The following CECR2 variants were observed in gnomAD, a reference collection of about 807,000 sequenced individuals.
The protein encoded by CECR2 is CECR2 histone acetyl-lysine reader.
A neutral mutation model predicts 154.5 loss-of-function variants in CECR2; 30 were observed. The ratio of observed to expected loss-of-function variants is 0.19; its 90% confidence interval spans 0.15 to 0.26. The LOEUF is 0.26. CECR2 is among the 10% of genes least tolerant of loss of function. CECR2 has a pLI of 1.00. For missense variants in CECR2, 1,743 were observed against 1,829.3 expected (o/e 0.95, Z 0.86); for synonymous variants, 725 against 683.7 (o/e 1.06, Z -0.94).
intron 1 of CECR2, among the ~76,000 whole-genome samples, chr22:17,447,459 A>C (rs2054691460): frequency 6.6e-6 from 1 of 151,730 alleles, no homozygotes; most frequent in South Asian, 2.1e-4. Context: ...GGCTGTTTAC[A>C]ATCCTTTAGC....
chr22:17,367,051 C>A (rs539145501), upstream of CECR2, among the ~76,000 whole-genome samples: 1 of 152,212 alleles, frequency 6.6e-6, no homozygotes, highest in East Asian at 1.9e-4. Flanking sequence ...GAGGAGGAGC[C>A]CTGAGAGACA....
chr22:17,459,863 T>C (rs2054910412), intron 1 of CECR2, among the ~76,000 whole-genome samples: 1 of 152,220 alleles, frequency 6.6e-6, no homozygotes, highest in Non-Finnish European at 1.5e-5. Flanking sequence ...TTCAGAAGCC[T>C]CTTATCCTTT....
intron 1 of CECR2, among the ~76,000 whole-genome samples, chr22:17,404,470 T>G (rs1440351530): frequency 1.6e-5 from 2 of 127,416 alleles, no homozygotes; most frequent in Admixed American, 1.6e-4. Flanking sequence ...GCCTCTCGGG[T>G]TCACGCCATT....
At chr22:17,408,532 C>T (rs1163550032) in intron 1 of CECR2, among the ~76,000 whole-genome samples, 2 of 152,094 alleles carry the variant, frequency 1.3e-5, no homozygotes, top group African/African-American at 2.4e-5. Context: ...GTTGGACATC[C>T]GTAACAACAT....
At position 17,553,736 on chromosome 22, in the gene CECR2, A is replaced by T. The variant is rs2056743051; in HGVS notation, c.*896A>T. ...CCTGATTTTGCCACCAGCCCTACCG[A>T]ATAGTTGTAAACCAGTATCAGGAAT... On this transcript the variant is annotated 3_prime_UTR_variant, in exon 19 of 19. Transcript: ENST00000262608. The T allele has an allele frequency of 6.6e-6, 1 of 152,174 alleles. No individual in the cohort carries two copies. Among genetic ancestry groups the T allele is most frequent in the Non-Finnish European group, 1.5e-5 (1 of 68,038 alleles). 9.4% of individuals were successfully genotyped at this position (152,174 alleles called of 1,614,324 possible).
chr22:17,506,057 G>A (rs1384323169), intron 7 of CECR2, among the ~76,000 whole-genome samples: 1 of 151,622 alleles, frequency 6.6e-6, no homozygotes, highest in Non-Finnish European at 1.5e-5. Context: ...CTGCTGCCTA[G>A]GCTTGTCCCA....
In CECR2 at chr22:17,555,915, A is replaced by G. The variant is rs982727123; in HGVS notation, c.*3075A>G. 6.6e-6 allele frequency: 1 copy of G among 152,178 alleles called. No individual in the cohort carries two copies. The highest frequency in any genetic ancestry group is 2.4e-5 in the African/African-American group (1 of 41,460). The allele number at this position is 152,178 out of a possible 1,614,324, so 9.4% of individuals were successfully genotyped here. On this transcript the variant is annotated 3_prime_UTR_variant, in exon 19 of 19. Coordinates refer to ENST00000262608, the MANE Select transcript of CECR2 (RefSeq NM_001290047.2). ...CCTTTAGTAGAGTTGTTAATAAGTT[A>G]GAAACTTGTGTCCCTAAGGCCCAAG...
intron 9 of CECR2, among the ~76,000 whole-genome samples, chr22:17,526,934 A>G (rs1160088782): frequency 6.6e-6 from 1 of 152,152 alleles, no homozygotes. Flanking sequence ...GCAAAAATGG[A>G]CAAATGGGAT....
chr22:17,372,865 G>A (rs1287656199), intron 1 of CECR2, among the ~76,000 whole-genome samples: 1 of 151,988 alleles, frequency 6.6e-6, no homozygotes, highest in Non-Finnish European at 1.5e-5. Flanking sequence ...ATCTCACCAG[G>A]CTGAACTCAT....
At chr22:17,433,864 A>T (rs553353738) in intron 1 of CECR2, among the ~76,000 whole-genome samples, 5 of 152,188 alleles carry the variant, frequency 3.3e-5, no homozygotes, top group Admixed American at 6.5e-5. Context: ...CTTAGCTATT[A>T]TGATGGTTTT....
At chr22:17,405,241 C>T (rs983381811) in intron 1 of CECR2, among the ~76,000 whole-genome samples, 2 of 151,944 alleles carry the variant, frequency 1.3e-5, no homozygotes, top group South Asian at 2.1e-4. Context: ...GAAACCTTGT[C>T]TCTACTAAAA....
chr22:17,538,296 C>T (rs1222196983), intron 10 of CECR2, among the ~76,000 whole-genome samples: 1 of 152,164 alleles, frequency 6.6e-6, no homozygotes, highest in Non-Finnish European at 1.5e-5. Context: ...CAGGCCAACC[C>T]CACATTTTAT....
upstream of CECR2, among the ~76,000 whole-genome samples, chr22:17,364,762 G>A (rs1389408380): frequency 6.6e-6 from 1 of 152,202 alleles, no homozygotes; most frequent in African/African-American, 2.4e-5. Flanking sequence ...AGAAGGCAGA[G>A]GTTGCAGTGA....
chr22:17,514,971 C>T (rs1296482874), intron 8 of CECR2, among the ~76,000 whole-genome samples: 1 of 148,296 alleles, frequency 6.7e-6, no homozygotes, highest in East Asian at 2.0e-4. Context: ...TGCAGTGAGC[C>T]AAGATCGCAC....
chr22:17,487,011 C>T (rs2055433587), intron 2 of CECR2, among the ~76,000 whole-genome samples: 1 of 152,318 alleles, frequency 6.6e-6, no homozygotes, highest in East Asian at 1.9e-4. Context: ...TGGAAGGTCA[C>T]TAATCTAAGG....
chr22:17,400,556 G>A (rs942551053), intron 1 of CECR2, among the ~76,000 whole-genome samples: 6 of 152,134 alleles, frequency 3.9e-5, no homozygotes, highest in African/African-American at 1.2e-4. Context: ...GTTTTATGGC[G>A]GAGCTGCATT....
Position 17,436,878 on chromosome 22 carries a change from A to G in CECR2, c.127-40710A>G, listed in dbSNP as rs530673634. On this transcript the variant is annotated intron_variant, in intron 1 of 18. Coordinates refer to ENST00000262608, the MANE Select transcript of CECR2 (RefSeq NM_001290047.2). ...TCTGGCTTTCAGGCCTGAATCAGCA[A>G]TCTTTAGGCAGGAACTGGGGGTGGG... Among the ~76,000 whole-genome samples, 133 of 152,350 alleles carry G rather than the reference A, an allele frequency of 8.7e-4. 2 individuals are homozygous for G. The highest frequency in any genetic ancestry group is 3.1e-3 in the African/African-American group (129 of 41,592).
chr22:17,379,196 A>G (rs902202079), intron 1 of CECR2, among the ~76,000 whole-genome samples: 2 of 152,084 alleles, frequency 1.3e-5, no homozygotes, highest in Non-Finnish European at 2.9e-5. Flanking sequence ...ACCTCCAGTG[A>G]TCAGCCCACC....
chr22:17,527,189 G>A (rs2146975333), intron 9 of CECR2, among the ~76,000 whole-genome samples: 1 of 152,376 alleles, frequency 6.6e-6, no homozygotes, highest in East Asian at 1.9e-4. Flanking sequence ...CAGGCATGTT[G>A]AGTCATGCTT....
Sources: gnomAD v4.1 joint callset for allele counts (sites outside exome capture counted in the v4.1 genomes callset) on GRCh38, gnomAD v4.1.1 for gene constraint, MANE v1.5 for transcripts, NCBI Gene and HGNC (gene_info 2026-07-23, HGNC 2026-07-21) for gene names.